Variants in IL2RA observed in about 807,000 individuals in gnomAD.
IL2RA encodes interleukin 2 receptor subunit alpha.
In IL2RA, 24 loss-of-function variants were observed where a neutral mutation model predicts 37.8. The ratio of observed to expected loss-of-function variants is 0.63; its 90% CI spans 0.46 to 0.89. The LOEUF is 0.89. Ranked by LOEUF, IL2RA falls within the 40% of genes least tolerant of loss-of-function variation. The probability of loss-of-function intolerance (pLI) is 0.00; values close to 1 mark genes in which losing one functional copy is unlikely to be tolerated. For synonymous variants in IL2RA, 125 were observed against 114.6 expected (o/e 1.09, Z -0.58); for missense variants, 319 against 348.6 (o/e 0.92, Z 0.68).
chr10:6,020,975 T>G lies in IL2RA; in HGVS notation c.583+503A>C, dbSNP rs1367509745. Among the ~76,000 whole-genome samples the G allele has an allele frequency of 6.6e-6, 1 of 151,834 alleles. No homozygotes were observed. The highest frequency in any genetic ancestry group is 2.4e-5 in the African/African-American group (1 of 41,312). On this transcript the variant is annotated intron_variant, in intron 4 of 7. Transcript: ENST00000379959. This position sits in a 1 kb window ranked among gnomAD's most constrained non-coding sequence, Gnocchi z 5.6. ...TGTGCGCGCATGTGCACTGAGTAAG[T>G]CCCGACTCTGCACATTTTATGTTTA...
chr10:6,059,574 C>T (rs534507999), intron 1 of IL2RA, among the ~76,000 whole-genome samples: 47 of 152,318 alleles, frequency 3.1e-4, no homozygotes, highest in African/African-American at 1.1e-3. Context: ...CAGCAATATA[C>T]AGACTAAAAA....
At chr10:6,031,512 GTATATATATGTATATA>G (rs1839591991) in intron 1 of IL2RA, among the ~76,000 whole-genome samples, 1 of 52,694 alleles carries the variant, frequency 1.9e-5, no homozygotes, top group African/African-American at 6.9e-5. Context: ...ATATATATAT[GTATATATATGTATATA>G]TATATCACTT....
intron 1 of IL2RA, among the ~76,000 whole-genome samples, chr10:6,043,962 T>G (rs1221913222): frequency 6.6e-6 from 1 of 152,232 alleles, no homozygotes; most frequent in Non-Finnish European, 1.5e-5. Context: ...AAGGAAGTGA[T>G]TAGTTCAGGG....
At chr10:6,017,974 G>C (rs942538301) in intron 7 of IL2RA, 79 bp downstream of exon 7, 7 of 1,100,874 alleles carry the variant, frequency 6.4e-6, no homozygotes, top group Admixed American at 2.0e-5. Flanking sequence ...GAGCATGGAG[G>C]GGGTAGGGGG....
chr10:6,012,873 T>G lies in IL2RA; in HGVS notation c.818A>C (p.Ter273SerextTer10), dbSNP rs1839210809. Residue 273 changes from the stop codon to serine, a stop_lost, in exon 8 of 8, where the codon TAG becomes TCG. Transcript: ENST00000379959. This position sits in a 1 kb window ranked among gnomAD's most constrained non-coding sequence, Gnocchi z 4.8. Reference protein sequence around the residue: ...RRQRKSRRTI* With the variant: ...RRQRKSRRTIS ...AGAAATTCTTGTTCTTTTGGTTTTCTAGATTGTTCTTCTACTCTTCCTCCT... is the reference window on the plus strand; with the variant it reads ...AGAAATTCTTGTTCTTTTGGTTTTCGAGATTGTTCTTCTACTCTTCCTCCT... The G allele has an allele frequency of 6.2e-7, 1 of 1,614,018 alleles. No individual in the cohort carries two copies. Among genetic ancestry groups the G allele is most frequent in the Admixed American group, 1.7e-5 (1 of 60,028 alleles).
Position 6,056,162 on chromosome 10 carries a change from G to T in IL2RA, c.64+5926C>A, listed in dbSNP as rs1248895786. Among the ~76,000 whole-genome samples, 2 of 152,186 alleles carry T rather than the reference G, an allele frequency of 1.3e-5. No homozygotes were observed. The highest frequency in any genetic ancestry group is 4.8e-5 in the African/African-American group (2 of 41,450). On this transcript the variant is annotated intron_variant, in intron 1 of 7. Transcript: ENST00000379959. This position sits in a 1 kb window ranked among gnomAD's most constrained non-coding sequence, Gnocchi z 5.0. ...AGAATATGGTGGGGTATTCAGTGGG[G>T]GCTATTGGCAAACACTGTTGGCTGA...
chr10:6,054,637 G>A lies in IL2RA; in HGVS notation c.64+7451C>T, dbSNP rs7917726. On this transcript the variant is annotated intron_variant, in intron 1 of 7. Coordinates refer to ENST00000379959, the MANE Select transcript of IL2RA (RefSeq NM_000417.3). This position sits in a 1 kb window ranked among gnomAD's most constrained non-coding sequence, Gnocchi z 4.5. ...GGTCAGCTCACTACTCATGGAACACGGTCCATGTACACGACTCCAGCAGCA... is the reference window on the plus strand; with the variant it reads ...GGTCAGCTCACTACTCATGGAACACAGTCCATGTACACGACTCCAGCAGCA... Among the ~76,000 whole-genome samples the A allele has an allele frequency of 0.46, 69,864 of 151,808 alleles. 17,956 individuals are homozygous for A. The highest frequency in any genetic ancestry group is 0.59 in the Non-Finnish European group (40,282 of 67,956).
In IL2RA at chr10:6,057,630, G is replaced by T. The variant is rs1342372494; in HGVS notation, c.64+4458C>A. Among the ~76,000 whole-genome samples the T allele has an allele frequency of 6.6e-6, 1 of 152,084 alleles. No homozygotes were observed. The highest frequency in any genetic ancestry group is 1.5e-5 in the Non-Finnish European group (1 of 68,014). On this transcript the variant is annotated intron_variant, in intron 1 of 7. Transcript: ENST00000379959. The surrounding 1 kb of genome is among the most constrained non-coding windows in gnomAD (Gnocchi z 4.8). ...TTGGCCCACTTTCTGCTTCCTGCAAGGTTTATTTTCCTGCTAATTCTATTC... is the reference window on the plus strand; with the variant it reads ...TTGGCCCACTTTCTGCTTCCTGCAATGTTTATTTTCCTGCTAATTCTATTC...
At position 6,012,780 on chromosome 10, in the gene IL2RA, G is replaced by T. The variant is rs972136274; in HGVS notation, c.*92C>A. ...CAAGCACAACGGATGTCTCCTGGGCGACCATTTAGCACCTTTGATTTCACT... is the reference window on the plus strand; with the variant it reads ...CAAGCACAACGGATGTCTCCTGGGCTACCATTTAGCACCTTTGATTTCACT... On this transcript the variant is annotated 3_prime_UTR_variant, in exon 8 of 8. Coordinates refer to ENST00000379959, the MANE Select transcript of IL2RA (RefSeq NM_000417.3). This position sits in a 1 kb window ranked among gnomAD's most constrained non-coding sequence, Gnocchi z 4.8. 1 of 1,331,642 alleles carries T rather than the reference G, an allele frequency of 7.5e-7. No homozygotes were observed. The highest frequency in any genetic ancestry group is 1.2e-5 in the South Asian group (1 of 85,260). The allele number at this position is 1,331,642 out of a possible 1,614,324, so 82.5% of individuals were successfully genotyped here. A position where few individuals can be genotyped will look rare whatever the true frequency, so the allele number is the denominator to read the frequency against.
chr10:6,026,376 T>G (rs374842870), intron 1 of IL2RA, among the ~76,000 whole-genome samples: 52 of 152,304 alleles, frequency 3.4e-4, no homozygotes, highest in Admixed American at 1.1e-3. Context: ...TTACGTACAT[T>G]TAATTGAGGG....
rs41310223 is a variant in IL2RA, at chr10:6,021,879, C to T, written c.368-186G>A. On this transcript the variant is annotated intron_variant, in intron 3 of 7. Transcript: ENST00000379959. This position sits in a 1 kb window ranked among gnomAD's most constrained non-coding sequence, Gnocchi z 4.9. ...AAGTTTGCTAGGCCCTGTAGGAAGGCACGAAGACCCTGTCACTCCTGCAAG... is the reference window on the plus strand; with the variant it reads ...AAGTTTGCTAGGCCCTGTAGGAAGGTACGAAGACCCTGTCACTCCTGCAAG... 6.6e-6 allele frequency among the ~76,000 whole-genome samples: 1 copy of T among 152,088 alleles called. No individual in the cohort carries two copies. The highest frequency in any genetic ancestry group is 6.5e-5 in the Admixed American group (1 of 15,274).
intron 1 of IL2RA, among the ~76,000 whole-genome samples, chr10:6,040,401 A>G (rs1319375445): frequency 6.6e-6 from 1 of 152,198 alleles, no homozygotes; most frequent in Non-Finnish European, 1.5e-5. Flanking sequence ...ATTTCAATCT[A>G]CTGAAGCATA....
intron 7 of IL2RA, chr10:6,017,039 T>C (rs912665208): frequency 2.5e-5 from 4 of 160,586 alleles, no homozygotes; most frequent in South Asian, 3.8e-4. Flanking sequence ...TTCCCTCTTG[T>C]AAACCTCTCT....
chr10:6,029,528 A>G lies in IL2RA; in HGVS notation c.65-3503T>C, dbSNP rs1216535764. Among the ~76,000 whole-genome samples the G allele has an allele frequency of 6.6e-6, 1 of 152,142 alleles. No individual in the cohort carries two copies. The highest frequency in any genetic ancestry group is 1.5e-5 in the Non-Finnish European group (1 of 68,022). ...ACACCCATTTATTTACATTTTGTCTATGGCTGCTTTTCTGCTATAATGGCA... is the reference window on the plus strand; with the variant it reads ...ACACCCATTTATTTACATTTTGTCTGTGGCTGCTTTTCTGCTATAATGGCA... On this transcript the variant is annotated intron_variant, in intron 1 of 7. Transcript: ENST00000379959. This position sits in a 1 kb window ranked among gnomAD's most constrained non-coding sequence, Gnocchi z 4.6.
intron 1 of IL2RA, among the ~76,000 whole-genome samples, chr10:6,037,993 G>T (rs2132876971): frequency 6.6e-6 from 1 of 152,286 alleles, no homozygotes; most frequent in Admixed American, 6.5e-5. Context: ...GAAAGTAAGT[G>T]GTTTGGGTGC....
Position 6,033,405 on chromosome 10 carries a change from AT to A in IL2RA, c.65-7381del. The stretch of plus-strand genomic sequence containing the variant: ...CAATTCAGCAATTCTACTTCTAGGT[AT>A]TTATCTAAGAGGAATGAAGGGATGT... On this transcript the variant is annotated intron_variant, in intron 1 of 7. Coordinates refer to ENST00000379959, the MANE Select transcript of IL2RA (RefSeq NM_000417.3). The surrounding 1 kb of genome is among the most constrained non-coding windows in gnomAD (Gnocchi z 4.3). 6.6e-6 allele frequency among the ~76,000 whole-genome samples: 1 copy of A among 152,180 alleles called. No individual in the cohort carries two copies.
Position 6,020,831 on chromosome 10 carries a change from C to A in IL2RA, c.583+647G>T, listed in dbSNP as rs1839372697. 1.3e-5 allele frequency among the ~76,000 whole-genome samples: 2 copies of A among 152,094 alleles called. No homozygotes were observed. The highest frequency in any genetic ancestry group is 2.1e-4 in the South Asian group (1 of 4,824). On this transcript the variant is annotated intron_variant, in intron 4 of 7. Transcript: ENST00000379959. This position sits in a 1 kb window ranked among gnomAD's most constrained non-coding sequence, Gnocchi z 5.6. ...TACAGGTGTGAGCCACTGTGCCCAG[C>A]CTGCATGTAAGTCACTTTTGATTGT...
rs370895906 is a variant in IL2RA at position 6,019,851 on chromosome 10, C to T, written c.655+19G>A. On this transcript the variant is annotated intron_variant, in intron 5 of 7. Coordinates refer to ENST00000379959, the MANE Select transcript of IL2RA (RefSeq NM_000417.3). ...TTTGGACTAGGCCTCTGTGGTCCAG[C>T]GTTTGTCTTCTCCCGCACCTGTTGT... 4.2e-5 allele frequency: 67 copies of T among 1,612,276 alleles called. No individual in the cohort carries two copies. Among genetic ancestry groups the T allele is most frequent in the Admixed American group, 2.8e-4 (17 of 60,022 alleles).
In IL2RA at chr10:6,056,260, G is replaced by A. The variant is rs1418777165; in HGVS notation, c.64+5828C>T. 2.0e-5 allele frequency among the ~76,000 whole-genome samples: 3 copies of A among 152,120 alleles called. No homozygotes were observed. On this transcript the variant is annotated intron_variant, in intron 1 of 7. Coordinates refer to ENST00000379959, the MANE Select transcript of IL2RA (RefSeq NM_000417.3). The surrounding 1 kb of genome is among the most constrained non-coding windows in gnomAD (Gnocchi z 5.0). ...CTGTGAGCACAAGAGGATAAGAGCT[G>A]GAACTTTCTTCATCTCTGTAATCCT...
Sources: allele counts gnomAD v4.1 joint callset (sites outside exome capture counted in the v4.1 genomes callset), GRCh38; gene constraint gnomAD v4.1.1; non-coding constraint Gnocchi (gnomAD v3.1); transcripts MANE v1.5; gene names NCBI Gene and HGNC (gene_info 2026-07-23, HGNC 2026-07-21).